The following CNTNAP5 variants were observed in gnomAD, a reference collection of about 807,000 sequenced individuals.
The protein encoded by CNTNAP5 is contactin-associated protein-like 5.
In CNTNAP5, 72 loss-of-function variants were observed where a neutral mutation model predicts 150.2. The observed-to-expected ratio is 0.48, with a 90% CI of 0.40 to 0.58. The LOEUF is 0.58. Ranked by LOEUF, CNTNAP5 falls within the 20% of genes least tolerant of loss-of-function variation. The pLI, the probability that CNTNAP5 is intolerant of heterozygous loss-of-function variation, is 0.00. For missense variants in CNTNAP5, 1,636 were observed against 1,626.2 expected (o/e 1.01, Z -0.10); for synonymous variants, 672 against 619.8 (o/e 1.08, Z -1.25).
rs932992043 is a variant in CNTNAP5, at chr2:124,865,521, T to C, written c.3348+85T>C. ...TCTAAGCTTCTACCCCATGCCAGTGTAGTGCCTAGTGCTGGAAACATAGTT... is the reference window on the plus strand; with the variant it reads ...TCTAAGCTTCTACCCCATGCCAGTGCAGTGCCTAGTGCTGGAAACATAGTT... On this transcript the variant is annotated intron_variant, in intron 20 of 23. Transcript: ENST00000682447. The C allele has an allele frequency of 1.1e-5, 13 of 1,210,574 alleles. No homozygotes were observed. In the Admixed American group the frequency reaches 2.3e-4, roughly 22 times the overall value. The allele number at this position is 1,210,574 out of a possible 1,614,324, so 75.0% of individuals were successfully genotyped here. A position where few individuals can be genotyped will look rare whatever the true frequency, so the allele number is the denominator to read the frequency against.
intron 21 of CNTNAP5, among the ~76,000 whole-genome samples, chr2:124,884,814 C>T (rs1449163877): frequency 6.6e-6 from 1 of 151,994 alleles, no homozygotes; most frequent in East Asian, 1.9e-4. Flanking sequence ...AATAACCCCT[C>T]AGTCTCATAG....
At chr2:124,764,317 A>G (rs533519894) in intron 16 of CNTNAP5, among the ~76,000 whole-genome samples, 170 bp downstream of exon 16, 1 of 152,152 alleles carries the variant, frequency 6.6e-6, no homozygotes, top group Non-Finnish European at 1.5e-5. Context: ...ATGATTTTTT[A>G]TGACCTGTCA....
At chr2:124,727,143 C>G (rs1680173579) in intron 13 of CNTNAP5, among the ~76,000 whole-genome samples, 2 of 152,016 alleles carry the variant, frequency 1.3e-5, no homozygotes, top group Non-Finnish European at 2.9e-5. Context: ...GTAGTTGACT[C>G]TAAGTGCCTG....
At chr2:124,451,045 A>ATATAT (rs1287236471) in intron 6 of CNTNAP5, among the ~76,000 whole-genome samples, 9 of 75,314 alleles carry the variant, frequency 1.2e-4, no homozygotes, top group South Asian at 4.7e-4. Flanking sequence ...AAAAAAAAAA[A>ATATAT]AAAAAAATAT....
intron 2 of CNTNAP5, among the ~76,000 whole-genome samples, chr2:124,239,412 G>T (rs145284560): frequency 6.6e-6 from 1 of 152,208 alleles, no homozygotes; most frequent in East Asian, 1.9e-4. Context: ...TAAGGCTTAA[G>T]AATTTTCATT....
chr2:124,118,696 G>A (rs1683486385), intron 1 of CNTNAP5, among the ~76,000 whole-genome samples: 1 of 152,208 alleles, frequency 6.6e-6, no homozygotes, highest in Non-Finnish European at 1.5e-5. Flanking sequence ...GTGACAGAGA[G>A]AGACACGTAA....
At chr2:124,051,510 T>A (rs978477162) in intron 1 of CNTNAP5, among the ~76,000 whole-genome samples, 1 of 152,228 alleles carries the variant, frequency 6.6e-6, no homozygotes, top group South Asian at 2.1e-4. Context: ...AAATGGCATA[T>A]GACAGGAATC....
At chr2:124,175,179 T>C (rs1201015302) in intron 1 of CNTNAP5, among the ~76,000 whole-genome samples, 1 of 152,184 alleles carries the variant, frequency 6.6e-6, no homozygotes, top group Non-Finnish European at 1.5e-5. Context: ...GCAATATTTC[T>C]AAGTTATGTC....
At chr2:124,362,643 T>C (rs1413506043) in intron 3 of CNTNAP5, among the ~76,000 whole-genome samples, 2 of 152,184 alleles carry the variant, frequency 1.3e-5, no homozygotes, top group Admixed American at 6.5e-5. Context: ...GAATAATCAT[T>C]GTAGTACTGC....
intron 1 of CNTNAP5, among the ~76,000 whole-genome samples, chr2:124,099,675 G>A (rs1683019631): frequency 6.6e-6 from 1 of 152,194 alleles, no homozygotes; most frequent in African/African-American, 2.4e-5. Flanking sequence ...TCTGCAGGCT[G>A]TATAGGAAGA....
intron 1 of CNTNAP5, among the ~76,000 whole-genome samples, chr2:124,081,998 A>G (rs1450701379): frequency 6.6e-6 from 1 of 152,136 alleles, no homozygotes. Context: ...AACATCTGGC[A>G]ATCACTAAAC....
intron 18 of CNTNAP5, among the ~76,000 whole-genome samples, chr2:124,795,372 T>A (rs1426766328): frequency 6.6e-6 from 1 of 152,170 alleles, no homozygotes; most frequent in Non-Finnish European, 1.5e-5. Flanking sequence ...GCCCTGTCAA[T>A]ACGGAGATCC....
intron 13 of CNTNAP5, among the ~76,000 whole-genome samples, chr2:124,661,362 T>A (rs538895197): frequency 2.9e-4 from 44 of 152,156 alleles, no homozygotes; most frequent in African/African-American, 1.1e-3. Context: ...ACTTTGAAAC[T>A]TTTTTTGTTA....
At chr2:124,313,024 G>A (rs560602299) in intron 3 of CNTNAP5, among the ~76,000 whole-genome samples, 19 of 152,290 alleles carry the variant, frequency 1.2e-4, no homozygotes, top group Non-Finnish European at 2.4e-4. Flanking sequence ...TTCTTTCATC[G>A]GGGCTATTGA....
intron 13 of CNTNAP5, among the ~76,000 whole-genome samples, chr2:124,695,908 C>T (rs868477211): frequency 6.6e-6 from 1 of 152,128 alleles, no homozygotes; most frequent in Non-Finnish European, 1.5e-5. Context: ...AAACAAATTT[C>T]CCCTAGGTAG....
chr2:124,051,073 G>A (rs562978980), intron 1 of CNTNAP5, among the ~76,000 whole-genome samples: 4 of 152,246 alleles, frequency 2.6e-5, no homozygotes, highest in Admixed American at 6.5e-5. Flanking sequence ...TGGCTGAGGT[G>A]GGATAGGATC....
At chr2:124,487,794 C>CT (rs1032256311) in intron 7 of CNTNAP5, among the ~76,000 whole-genome samples, 1 of 151,672 alleles carries the variant, frequency 6.6e-6, no homozygotes. Context: ...AAAATCTAGG[C>CT]TTTTTTTTCC....
At chr2:124,191,429 T>C (rs1685454873) in intron 1 of CNTNAP5, among the ~76,000 whole-genome samples, 1 of 152,214 alleles carries the variant, frequency 6.6e-6, no homozygotes, top group South Asian at 2.1e-4. Flanking sequence ...TTTCATAAAA[T>C]ATTTCTTGCA....
chr2:124,772,104 A>C (rs1198393524), intron 16 of CNTNAP5, among the ~76,000 whole-genome samples: 1 of 151,956 alleles, frequency 6.6e-6, no homozygotes, highest in African/African-American at 2.4e-5. Context: ...CCACTACCAC[A>C]GCACTACCAC....
Sources: allele counts gnomAD v4.1 joint callset (sites outside exome capture counted in the v4.1 genomes callset), GRCh38; gene constraint gnomAD v4.1.1; transcripts MANE v1.5; gene names NCBI Gene and HGNC (gene_info 2026-07-23, HGNC 2026-07-21).